The following FAM117B variants were observed in gnomAD, a reference collection of about 807,000 sequenced individuals.
The protein encoded by FAM117B is family with sequence similarity 117 member B, also known as protein FAM117B.
In FAM117B, 22 loss-of-function variants were observed where a neutral mutation model predicts 52.8. That is an observed-to-expected ratio of 0.42 (90% CI 0.30 to 0.59). FAM117B has a LOEUF of 0.59. FAM117B is among the 20% of genes least tolerant of loss of function. The pLI is 0.22. For synonymous variants in FAM117B, 309 were observed against 324.1 expected (o/e 0.95, Z 0.50); for missense variants, 678 against 802.6 (o/e 0.84, Z 1.88).
chr2:202,655,674 T>C (rs1352905439), intron 1 of FAM117B, among the ~76,000 whole-genome samples: 2 of 144,016 alleles, frequency 1.4e-5, no homozygotes, highest in African/African-American at 2.6e-5. Flanking sequence ...CCCAGTGAAA[T>C]CATCTTGGCC....
At chr2:202,717,178 C>T (rs576400092) in intron 2 of FAM117B, among the ~76,000 whole-genome samples, 2 of 152,280 alleles carry the variant, frequency 1.3e-5, no homozygotes, top group East Asian at 3.9e-4. Flanking sequence ...TTTGCAAAGA[C>T]TGGGTGTTGG....
At chr2:202,652,826 C>T (rs1310400310) in intron 1 of FAM117B, among the ~76,000 whole-genome samples, 3 of 152,134 alleles carry the variant, frequency 2.0e-5, no homozygotes, top group African/African-American at 7.2e-5. Flanking sequence ...GGACCCACAC[C>T]TTTGGACATT....
intron 6 of FAM117B, among the ~76,000 whole-genome samples, chr2:202,758,198 G>A (rs1691831545): frequency 6.6e-6 from 1 of 152,142 alleles, no homozygotes; most frequent in South Asian, 2.1e-4. Flanking sequence ...CCTGCTGTTA[G>A]GACTGGCTGC....
chr2:202,660,482 G>A (rs376228451), intron 1 of FAM117B, among the ~76,000 whole-genome samples: 21 of 152,006 alleles, frequency 1.4e-4, no homozygotes, highest in Admixed American at 5.2e-4. Flanking sequence ...AGTGGTGGTC[G>A]GTATCTATAT....
intron 1 of FAM117B, among the ~76,000 whole-genome samples, chr2:202,644,064 G>GTTTTTTTTTTTTTTTTTTTTTT (rs1161026426): frequency 2.1e-5 from 2 of 95,138 alleles, no homozygotes; most frequent in African/African-American, 4.5e-5. Flanking sequence ...TTTTTTTTTT[G>GTTTTTTTTTTTTTTTTTTTTTT]TTTTTTTTTT....
intron 1 of FAM117B, among the ~76,000 whole-genome samples, chr2:202,661,784 C>T (rs951293734): frequency 5.9e-5 from 9 of 151,874 alleles, no homozygotes; most frequent in African/African-American, 1.9e-4. Flanking sequence ...GGCATGGTGG[C>T]GCGTGCCTGT....
intron 1 of FAM117B, among the ~76,000 whole-genome samples, chr2:202,653,280 A>G (rs926920318): frequency 1.3e-5 from 2 of 152,144 alleles, no homozygotes; most frequent in African/African-American, 4.8e-5. Flanking sequence ...AAACAACAAC[A>G]ATAGCAACTA....
intron 2 of FAM117B, among the ~76,000 whole-genome samples, chr2:202,701,369 G>A (rs1188114793): frequency 1.3e-5 from 2 of 152,202 alleles, no homozygotes. Flanking sequence ...TCACCCAAGA[G>A]CTGTGATGCA....
intron 2 of FAM117B, among the ~76,000 whole-genome samples, chr2:202,703,508 C>G (rs1229457892): frequency 6.6e-6 from 1 of 151,898 alleles, no homozygotes; most frequent in African/African-American, 2.4e-5. Flanking sequence ...GCTTGCACCA[C>G]TATGCCCAGC....
intron 1 of FAM117B, among the ~76,000 whole-genome samples, chr2:202,682,171 T>G (rs1574553889): frequency 6.6e-6 from 1 of 152,246 alleles, no homozygotes; most frequent in African/African-American, 2.4e-5. Flanking sequence ...TCTCCCGCAT[T>G]TATCATTTCC....
chr2:202,655,361 T>A (rs1168488866), intron 1 of FAM117B, among the ~76,000 whole-genome samples: 1 of 152,160 alleles, frequency 6.6e-6, no homozygotes, highest in Non-Finnish European at 1.5e-5. Context: ...TGGTGAACCT[T>A]GTTTTTGTTT....
At chr2:202,720,600 ATG>A (rs1691134703) in intron 2 of FAM117B, among the ~76,000 whole-genome samples, 2 of 145,564 alleles carry the variant, frequency 1.4e-5, no homozygotes, top group East Asian at 4.0e-4. Flanking sequence ...TTTCCCCAAT[ATG>A]TCTTTTTTTT....
At chr2:202,712,419 CTTTTTT>C (rs1186703318) in intron 2 of FAM117B, among the ~76,000 whole-genome samples, 1 of 89,458 alleles carries the variant, frequency 1.1e-5, no homozygotes, top group Admixed American at 1.3e-4. Context: ...TATCAGCTCT[CTTTTTT>C]TTTTTTTTTT....
intron 1 of FAM117B, among the ~76,000 whole-genome samples, chr2:202,693,196 G>A (rs553044409): frequency 2.0e-5 from 3 of 152,042 alleles, no homozygotes; most frequent in East Asian, 1.9e-4. Context: ...ACCTTTTCTC[G>A]AACAGTATAC....
At chr2:202,722,109 C>G (rs1308383115) in intron 2 of FAM117B, among the ~76,000 whole-genome samples, 1 of 148,680 alleles carries the variant, frequency 6.7e-6, no homozygotes, top group Non-Finnish European at 1.5e-5. Flanking sequence ...CTCCCAAGTT[C>G]AAGCGATTCT....
intron 1 of FAM117B, among the ~76,000 whole-genome samples, chr2:202,684,068 T>C (rs997477308): frequency 6.6e-6 from 1 of 152,116 alleles, no homozygotes; most frequent in Non-Finnish European, 1.5e-5. Context: ...GGTTTTGCCA[T>C]GTTGCTCTGG....
intron 6 of FAM117B, among the ~76,000 whole-genome samples, chr2:202,758,958 C>G (rs1290097322): frequency 6.6e-6 from 1 of 152,130 alleles, no homozygotes; most frequent in Non-Finnish European, 1.5e-5. Context: ...TGTTTGAGTG[C>G]ATTTGTTTTG....
At chr2:202,659,688 C>T (rs1690101623) in intron 1 of FAM117B, among the ~76,000 whole-genome samples, 1 of 138,626 alleles carries the variant, frequency 7.2e-6, no homozygotes, top group African/African-American at 2.7e-5. Context: ...GATCTTGGCT[C>T]ACTGCAACCT....
chr2:202,708,541 C>G (rs939866652), intron 2 of FAM117B, among the ~76,000 whole-genome samples: 2 of 152,148 alleles, frequency 1.3e-5, no homozygotes, highest in African/African-American at 4.8e-5. Flanking sequence ...AGTGCAGATA[C>G]CTCTTTGAAA....
Sources: gnomAD v4.1 joint callset for allele counts (sites outside exome capture counted in the v4.1 genomes callset) on GRCh38, gnomAD v4.1.1 for gene constraint, MANE v1.5 for transcripts, NCBI Gene and HGNC (gene_info 2026-07-23, HGNC 2026-07-21) for gene names.